MSH4: variants seen among roughly 807,000 people sequenced by gnomAD.
MSH4 encodes the protein mutS homolog 4, also known as mutS protein homolog 4.
A neutral mutation model predicts 113.7 loss-of-function variants in MSH4; 106 were observed. That is an observed-to-expected ratio of 0.93 (90% CI 0.80 to 1.10). The LOEUF (loss-of-function observed/expected upper bound fraction) is 1.10, where lower values mean the gene tolerates loss of function less well. Among genes scored for constraint, MSH4 ranks in the 50% least tolerant of loss-of-function variants. MSH4 has a pLI of 0.00. For synonymous variants in MSH4, 368 were observed against 380.2 expected (o/e 0.97, Z 0.37); for missense variants, 1,061 against 1,093.7 (o/e 0.97, Z 0.42).
intron 1 of MSH4, among the ~76,000 whole-genome samples, chr1:75,800,113 A>C (rs1649903918): frequency 6.6e-6 from 1 of 152,172 alleles, no homozygotes; most frequent in Non-Finnish European, 1.5e-5. Flanking sequence ...GTCTAAAAGT[A>C]GTCTGAGAAC....
intron 8 of MSH4, among the ~76,000 whole-genome samples, chr1:75,866,778 C>A (rs6678348): frequency 6.6e-6 from 1 of 151,242 alleles, no homozygotes; most frequent in African/African-American, 2.4e-5. Flanking sequence ...GTCAGGAGTT[C>A]GAGACCAGCC....
intron 7 of MSH4, among the ~76,000 whole-genome samples, chr1:75,845,668 A>G (rs1021140021): frequency 6.6e-6 from 1 of 152,096 alleles, no homozygotes; most frequent in Non-Finnish European, 1.5e-5. Flanking sequence ...TGGCTTTCTC[A>G]GATTGGAGTT....
rs140082714 is a variant in MSH4, at chr1:75,898,823, A to G, written c.2530+742A>G. ...TATGACCCTTTGAGGGAAAAAAACC[A>G]TCTTTGTTTTGCTATTTGAAATGGG... is the stretch of plus-strand genomic sequence containing the variant. On this transcript the variant is annotated intron_variant, in intron 18 of 19. Coordinates refer to ENST00000263187, the MANE Select transcript of MSH4 (RefSeq NM_002440.4). 1.7e-3 allele frequency among the ~76,000 whole-genome samples: 254 copies of G among 152,286 alleles called. 2 individuals carry two copies. The highest frequency in any genetic ancestry group is 5.9e-3 in the African/African-American group (247 of 41,572).
chr1:75,838,240 G>A (rs1650874457), intron 7 of MSH4, among the ~76,000 whole-genome samples: 1 of 152,050 alleles, frequency 6.6e-6, no homozygotes, highest in South Asian at 2.1e-4. Context: ...ACATTTCTTG[G>A]CTCTTAGCCC....
At chr1:75,801,610 A>C (rs985081950) in intron 1 of MSH4, among the ~76,000 whole-genome samples, 12 of 148,894 alleles carry the variant, frequency 8.1e-5, no homozygotes, top group African/African-American at 3.0e-4. Context: ...ATGGTGGCTT[A>C]TGCTTGTAAT....
At chr1:75,894,167 C>T (rs1314427497) in intron 17 of MSH4, among the ~76,000 whole-genome samples, 1 of 152,130 alleles carries the variant, frequency 6.6e-6, no homozygotes, top group African/African-American at 2.4e-5. Flanking sequence ...ACTGCAGGCA[C>T]TGAATTGGGA....
chr1:75,880,240 A>G, intron 13 of MSH4, 87 bp downstream of exon 13: 1 of 680,952 alleles, frequency 1.5e-6, no homozygotes, highest in Non-Finnish European at 2.4e-6. Context: ...ATTTTTATCT[A>G]ATTACAGACA....
At chr1:75,822,894 A>G (rs1196086412) in intron 7 of MSH4, among the ~76,000 whole-genome samples, 1 of 152,042 alleles carries the variant, frequency 6.6e-6, no homozygotes, top group Non-Finnish European at 1.5e-5. Flanking sequence ...AAAGATGGGA[A>G]GATTTGTTCA....
chr1:75,885,023 A>ATGTGTGTGTGTGTGTGTG (rs764938661), intron 15 of MSH4, among the ~76,000 whole-genome samples: 1 of 122,214 alleles, frequency 8.2e-6, no homozygotes. Context: ...GTGTGTATAT[A>ATGTGTGTGTGTGTGTGTG]TATATATGTG....
At chr1:75,863,820 T>A (rs1454640603) in intron 8 of MSH4, among the ~76,000 whole-genome samples, 1 of 152,226 alleles carries the variant, frequency 6.6e-6, no homozygotes, top group Non-Finnish European at 1.5e-5. Context: ...TACCTTCCTG[T>A]TTATTATTAT....
rs139630022 is a variant in MSH4 at position 75,819,757 on chromosome 1, C to T, written c.990-2652C>T. On this transcript the variant is annotated intron_variant, in intron 6 of 19. Transcript: ENST00000263187. Reference sequence around the variant, plus strand: ...ACAGAGTCTCACTTTGTAGCCCAGGCTGGAGTGCAGTGGCGCAATCTCGGC... The same window carrying T: ...ACAGAGTCTCACTTTGTAGCCCAGGTTGGAGTGCAGTGGCGCAATCTCGGC... 2.7e-3 allele frequency among the ~76,000 whole-genome samples: 416 copies of T among 152,334 alleles called. 4 individuals are homozygous for T. Among genetic ancestry groups the T allele is most frequent in the African/African-American group, 9.4e-3 (392 of 41,586 alleles).
At chr1:75,826,217 A>C (rs1650548146) in intron 7 of MSH4, among the ~76,000 whole-genome samples, 1 of 152,094 alleles carries the variant, frequency 6.6e-6, no homozygotes, top group African/African-American at 2.4e-5. Context: ...CCAGGAATTT[A>C]TCCATTTCTT....
At chr1:75,824,810 G>A (rs969853846) in intron 7 of MSH4, among the ~76,000 whole-genome samples, 1 of 151,394 alleles carries the variant, frequency 6.6e-6, no homozygotes, top group African/African-American at 2.4e-5. Context: ...TGTTCCATTG[G>A]TCTATATATC....
At chr1:75,879,630 C>T (rs1413883981) in intron 12 of MSH4, among the ~76,000 whole-genome samples, 2 of 152,114 alleles carry the variant, frequency 1.3e-5, no homozygotes, top group Non-Finnish European at 2.9e-5. Flanking sequence ...AACCATTTAG[C>T]TTTCAGGCTT....
intron 19 of MSH4, among the ~76,000 whole-genome samples, chr1:75,908,710 T>C (rs748538849): frequency 3.9e-5 from 6 of 152,182 alleles, no homozygotes; most frequent in Non-Finnish European, 5.9e-5. Flanking sequence ...AGTGTCTCGC[T>C]TGTTGGACTT....
At chr1:75,800,111 G>C (rs1649903847) in intron 1 of MSH4, among the ~76,000 whole-genome samples, 1 of 152,138 alleles carries the variant, frequency 6.6e-6, no homozygotes, top group South Asian at 2.1e-4. Context: ...TAGTCTAAAA[G>C]TAGTCTGAGA....
At chr1:75,830,286 A>G (rs955899627) in intron 7 of MSH4, among the ~76,000 whole-genome samples, 3 of 152,188 alleles carry the variant, frequency 2.0e-5, no homozygotes, top group Non-Finnish European at 2.9e-5. Flanking sequence ...ATGTGGCACT[A>G]TGTGAAAAAA....
Position 75,822,435 on chromosome 1 carries a change from T to C in MSH4, c.1016T>C (p.Leu339Pro). The C allele has an allele frequency of 1.3e-6, 2 of 1,566,648 alleles. No homozygotes were observed. Among genetic ancestry groups the C allele is most frequent in the Non-Finnish European group, 1.7e-6 (2 of 1,163,088 alleles). The part of the protein sequence containing the change: ...YRNNHTLFGV[L>P]NYTKTPGGSR... ...AATAATCACACTCTCTTTGGTGTTCTAAATTATACTAAGACTCCTGGAGGG... is the reference window on the plus strand; with the variant it reads ...AATAATCACACTCTCTTTGGTGTTCCAAATTATACTAAGACTCCTGGAGGG... The change falls in exon 7 of 20, where the codon CTA becomes CCA. Residue 339 changes from leucine to proline, a missense_variant. Transcript: ENST00000263187.
intron 8 of MSH4, among the ~76,000 whole-genome samples, chr1:75,860,551 G>T (rs1284380527): frequency 6.6e-6 from 1 of 152,158 alleles, no homozygotes; most frequent in Non-Finnish European, 1.5e-5. Flanking sequence ...ATGAAATTAT[G>T]GGTTGAAAAT....
Sources: allele counts gnomAD v4.1 joint callset (sites outside exome capture counted in the v4.1 genomes callset), GRCh38; gene constraint gnomAD v4.1.1; transcripts MANE v1.5; gene names NCBI Gene and HGNC (gene_info 2026-07-23, HGNC 2026-07-21).